ZMIZ1: variants seen among roughly 807,000 people sequenced by gnomAD.
ZMIZ1 encodes zinc finger MIZ domain-containing protein 1.
A neutral mutation model predicts 113.9 loss-of-function variants in ZMIZ1; 17 were observed. That is an observed-to-expected ratio of 0.15 (90% CI 0.10 to 0.22). The LOEUF (loss-of-function observed/expected upper bound fraction) is 0.22, where lower values mean the gene tolerates loss of function less well. ZMIZ1 is among the 10% of genes least tolerant of loss of function. The probability of loss-of-function intolerance (pLI) is 1.00; values close to 1 mark genes in which losing one functional copy is unlikely to be tolerated. For synonymous variants in ZMIZ1, 607 were observed against 603.1 expected (o/e 1.01, Z -0.09); for missense variants, 1,059 against 1,477.8 (o/e 0.72, Z 4.65).
chr10:79,302,131 G>A lies in ZMIZ1; in HGVS notation c.2044G>A (p.Val682Ile). 2 of 1,613,992 alleles carry A rather than the reference G, an allele frequency of 1.2e-6. No homozygotes were observed. The highest frequency in any genetic ancestry group is 1.3e-5 in the African/African-American group (1 of 75,024). The change falls in exon 18 of 25, where the codon GTA becomes ATA. Residue 682 changes from valine to isoleucine, a missense_variant. By Grantham distance (29) the Val-to-Ile change is conservative. Transcript: ENST00000334512. The part of the protein sequence containing the change: ...CCSHLFVLQL[V>I]HRPSVRSVLQ... ...GTCCCACCTCTTCGTGCTGCAGCTGGTACACCGGCCCTCCGTCCGCTCTGT... is the reference window on the plus strand; with the variant it reads ...GTCCCACCTCTTCGTGCTGCAGCTGATACACCGGCCCTCCGTCCGCTCTGT...
chr10:79,072,189 C>T (rs1355926069), intron 1 of ZMIZ1, among the ~76,000 whole-genome samples: 1 of 152,156 alleles, frequency 6.6e-6, no homozygotes, highest in East Asian at 1.9e-4. Flanking sequence ...GGTTCTTGTT[C>T]CTCTCACAGC....
chr10:79,163,818 CTGCCTCTCCCGAT>C (rs575861998), intron 4 of ZMIZ1, among the ~76,000 whole-genome samples: 39 of 152,338 alleles, frequency 2.6e-4, no homozygotes, highest in Middle Eastern at 3.4e-3. Flanking sequence ...GGCTGGTGGC[CTGCCTCTCCCGAT>C]GGGGCCTGCC....
At chr10:79,310,322 T>A (rs112782576) in intron 23 of ZMIZ1, among the ~76,000 whole-genome samples, 4 of 152,240 alleles carry the variant, frequency 2.6e-5, no homozygotes, top group African/African-American at 9.6e-5. Flanking sequence ...ACAGCCAAAT[T>A]CCACCCGCGC....
chr10:79,115,539 T>C (rs1285224591), intron 1 of ZMIZ1, among the ~76,000 whole-genome samples: 2 of 152,194 alleles, frequency 1.3e-5, no homozygotes, highest in African/African-American at 2.4e-5. Context: ...GGCAGAAAGA[T>C]GGTGGGCCTC....
In ZMIZ1 at chr10:79,299,097, G is replaced by A. The variant is rs765239404; in HGVS notation, c.1714G>A (p.Val572Met). Residue 572 changes from valine (V) to methionine (M), a missense_variant, in exon 16 of 25, where the codon GTG (valine) becomes ATG (methionine). Coordinates refer to ENST00000334512, the MANE Select transcript of ZMIZ1 (RefSeq NM_020338.4). ...GCTCACATTCCCTGTGCGGGATGGC[G>A]TGGTGCTGGAGCCCTTCCGCCTGGA... ...LRLTFPVRDG[V>M]VLEPFRLEHN... 48 of 1,612,526 alleles carry A rather than the reference G, an allele frequency of 3.0e-5. No homozygotes were observed. Among genetic ancestry groups the A allele is most frequent in the East Asian group, 1.8e-4 (8 of 44,878 alleles).
At chr10:79,141,064 A>G (rs1335087680) in intron 3 of ZMIZ1, among the ~76,000 whole-genome samples, 1 of 152,190 alleles carries the variant, frequency 6.6e-6, no homozygotes. Context: ...AGTACGACTC[A>G]GATCCCAGAG....
chr10:79,075,053 G>A (rs946524228), intron 1 of ZMIZ1, among the ~76,000 whole-genome samples: 1 of 152,268 alleles, frequency 6.6e-6, no homozygotes, highest in African/African-American at 2.4e-5. Flanking sequence ...GGTTTCGGCT[G>A]TGGCAGGCTG....
At chr10:79,135,239 G>T (rs548604882) in intron 2 of ZMIZ1, among the ~76,000 whole-genome samples, 150 of 152,374 alleles carry the variant, frequency 9.8e-4, no homozygotes, top group African/African-American at 3.5e-3. Context: ...AGGCCAGGCA[G>T]TTGAGGTCAG....
chr10:79,239,371 G>A (rs1348340667), intron 7 of ZMIZ1, among the ~76,000 whole-genome samples: 1 of 152,222 alleles, frequency 6.6e-6, no homozygotes, highest in African/African-American at 2.4e-5. Flanking sequence ...GGGATGTGAA[G>A]GTGGATGGCC....
chr10:79,107,128 C>T (rs61853172), intron 1 of ZMIZ1, among the ~76,000 whole-genome samples: 65,908 of 152,156 alleles, frequency 0.43, 14,377 homozygotes, highest in Non-Finnish European at 0.45. Flanking sequence ...GACTGGCTTG[C>T]GGCCACACAG....
At position 79,300,942 on chromosome 10, in the gene ZMIZ1, C is replaced by T. The variant is rs766542380; in HGVS notation, c.2019C>T (p.Cys673=). The stretch of plus-strand genomic sequence containing the variant: ...AGATCACCGTCACGGCCTGCTGCTG[C>T]GTGAGTGTGGTGGGCCAGGGGCAGC... ...TIQITVTACC[C]SHLFVLQLVH... The change falls in exon 17 of 25, where the codon TGC becomes TGT. Residue 673 remains cysteine, a splice_region_variant and synonymous_variant. Coordinates refer to ENST00000334512, the MANE Select transcript of ZMIZ1 (RefSeq NM_020338.4). The T allele has an allele frequency of 4.4e-6, 7 of 1,608,488 alleles. No individual in the cohort carries two copies. The highest frequency in any genetic ancestry group is 2.2e-5 in the East Asian group (1 of 44,878).
intron 7 of ZMIZ1, among the ~76,000 whole-genome samples, chr10:79,244,361 C>A (rs576935367): frequency 6.6e-5 from 10 of 152,320 alleles, no homozygotes; most frequent in African/African-American, 2.4e-4. Context: ...TTGTACAAGA[C>A]CTTGGAGAAA....
intron 4 of ZMIZ1, among the ~76,000 whole-genome samples, chr10:79,176,671 GCT>G: frequency 6.7e-6 from 1 of 150,114 alleles, no homozygotes; most frequent in Non-Finnish European, 1.5e-5. Context: ...TGATAGCAAG[GCT>G]TTTGGAGGTT....
chr10:79,181,882 C>T (rs986237354), intron 4 of ZMIZ1, among the ~76,000 whole-genome samples: 7 of 152,186 alleles, frequency 4.6e-5, no homozygotes, highest in African/African-American at 1.4e-4. Context: ...AGCCACCGCC[C>T]GGCTCCCCAC....
intron 23 of ZMIZ1, among the ~76,000 whole-genome samples, chr10:79,309,752 T>C (rs546401277): frequency 6.6e-6 from 1 of 152,194 alleles, no homozygotes; most frequent in South Asian, 2.1e-4. Flanking sequence ...AGGAAGAACA[T>C]GTCAGTGTGT....
At chr10:79,218,595 GTGTGTGTGTGTC>G (rs1848833679) in intron 7 of ZMIZ1, among the ~76,000 whole-genome samples, 3 of 149,426 alleles carry the variant, frequency 2.0e-5, no homozygotes, top group South Asian at 2.1e-4. Flanking sequence ...GTGTGTGTGT[GTGTGTGTGTGTC>G]TGTCTGTCTG....
chr10:79,200,580 G>C (rs544124930), intron 4 of ZMIZ1, among the ~76,000 whole-genome samples: 1 of 152,174 alleles, frequency 6.6e-6, no homozygotes, highest in African/African-American at 2.4e-5. Flanking sequence ...TGGAAACCGC[G>C]GGCTGGCAGT....
At position 79,269,906 on chromosome 10, in the gene ZMIZ1, C is replaced by T. The variant is rs568770162; in HGVS notation, c.281-7275C>T. ...TACCTGCTCCCCGTGACACCCGACC[C>T]GATCGATGCTAACAAAGGCTGGTCA... On this transcript the variant is annotated intron_variant, in intron 7 of 24. Transcript: ENST00000334512. Among the ~76,000 whole-genome samples the T allele has an allele frequency of 1.5e-4, 23 of 152,322 alleles. No homozygotes were observed. In the East Asian group the frequency reaches 4.2e-3, roughly 28 times the overall value.
intron 8 of ZMIZ1, chr10:79,285,587 G>C (rs759410062): frequency 6.6e-6 from 3 of 455,952 alleles, no homozygotes; most frequent in African/African-American, 2.0e-5. Flanking sequence ...CAGGCTTAAC[G>C]AAATGGACAT....
Sources: allele counts gnomAD v4.1 joint callset (sites outside exome capture counted in the v4.1 genomes callset), GRCh38; gene constraint gnomAD v4.1.1; transcripts MANE v1.5; gene names NCBI Gene and HGNC (gene_info 2026-07-23, HGNC 2026-07-21).